RSBN1L: variants seen among roughly 807,000 people sequenced by gnomAD.
RSBN1L encodes the protein lysine-specific demethylase RSBN1L.
RSBN1L carries 30 observed loss-of-function variants against 67.7 expected under a neutral mutation model. The ratio of observed to expected loss-of-function variants is 0.44; its 90% CI spans 0.33 to 0.60. The LOEUF is 0.60. Ranked by LOEUF, RSBN1L falls within the 20% of genes least tolerant of loss-of-function variation. The pLI is 0.02. For synonymous variants in RSBN1L, 433 were observed against 387.0 expected (o/e 1.12, Z -1.39); for missense variants, 992 against 1,031.7 (o/e 0.96, Z 0.53).
chr7:77,709,593 A>G (rs1212609407), intron 1 of RSBN1L, among the ~76,000 whole-genome samples: 2 of 151,992 alleles, frequency 1.3e-5, no homozygotes, highest in Non-Finnish European at 2.9e-5. Context: ...CCCCACCAAT[A>G]GTTACTTTTT....
At chr7:77,739,739 CTTTTTT>C (rs1173154183) in intron 2 of RSBN1L, among the ~76,000 whole-genome samples, 19 of 42,680 alleles carry the variant, frequency 4.5e-4, no homozygotes, top group Middle Eastern at 0.023. Flanking sequence ...AAAAATGTGT[CTTTTTT>C]TTTTTTTTTT....
At chr7:77,751,693 G>A (rs1047440351) in intron 3 of RSBN1L, among the ~76,000 whole-genome samples, 1 of 152,118 alleles carries the variant, frequency 6.6e-6, no homozygotes, top group African/African-American at 2.4e-5. Context: ...TAGTTGTTCT[G>A]AGTATTTTAT....
At chr7:77,735,988 A>T (rs964621891) in intron 1 of RSBN1L, among the ~76,000 whole-genome samples, 1 of 152,118 alleles carries the variant, frequency 6.6e-6, no homozygotes, top group Non-Finnish European at 1.5e-5. Flanking sequence ...AACCATAATG[A>T]GGAAGGTATC....
At chr7:77,740,982 TTTC>T (rs754619814) in intron 2 of RSBN1L, among the ~76,000 whole-genome samples, 6,112 of 136,630 alleles carry the variant, frequency 0.045, 138 homozygotes, top group South Asian at 0.11. Context: ...TTTCTTTTCT[TTTC>T]TTTTTTTTTT....
chr7:77,711,671 A>G (rs1790977119), intron 1 of RSBN1L, among the ~76,000 whole-genome samples: 1 of 152,214 alleles, frequency 6.6e-6, no homozygotes, highest in Non-Finnish European at 1.5e-5. Flanking sequence ...TTAACCAACA[A>G]CAGTTTGGGA....
intron 1 of RSBN1L, among the ~76,000 whole-genome samples, chr7:77,720,367 A>G (rs1584280472): frequency 6.6e-6 from 1 of 151,878 alleles, no homozygotes. Context: ...TCAAGACCAG[A>G]CTGACCAACA....
At chr7:77,747,504 GGT>G (rs1791500228) in intron 2 of RSBN1L, among the ~76,000 whole-genome samples, 1 of 152,138 alleles carries the variant, frequency 6.6e-6, no homozygotes, top group Non-Finnish European at 1.5e-5. Context: ...GTGGCTCAAA[GGT>G]GCCCAGGTAT....
chr7:77,740,979 T>C (rs1324935839), intron 2 of RSBN1L, among the ~76,000 whole-genome samples: 1 of 146,238 alleles, frequency 6.8e-6, no homozygotes, highest in African/African-American at 2.6e-5. Context: ...ATTTTTCTTT[T>C]CTTTTCTTTT....
chr7:77,730,477 C>T (rs968818060), intron 1 of RSBN1L, among the ~76,000 whole-genome samples: 3 of 152,076 alleles, frequency 2.0e-5, no homozygotes, highest in Admixed American at 6.6e-5. Flanking sequence ...TTTGGACAAA[C>T]GTATAATGAC....
chr7:77,723,594 A>G (rs1791151721), intron 1 of RSBN1L, among the ~76,000 whole-genome samples: 3 of 151,670 alleles, frequency 2.0e-5, no homozygotes, highest in Admixed American at 2.0e-4. Flanking sequence ...TCACCCACCC[A>G]AGTAGCTGGG....
In RSBN1L at chr7:77,773,151, A is replaced by G; in HGVS notation, c.1630A>G (p.Thr544Ala). The G allele has an allele frequency of 6.4e-7, 1 of 1,567,932 alleles. No homozygotes were observed. Among genetic ancestry groups the G allele is most frequent in the Non-Finnish European group, 8.6e-7 (1 of 1,157,850 alleles). ...TTTTCTTTTTTTAAAAAACAGAACT[A>G]CCAATGAAATAAAAAATCTTCAGTA... ...PKSPFKRKRT[T>A]NEIKNLQYLP... The change falls in exon 6 of 8, where the codon ACC (threonine) becomes GCC (alanine). Residue 544 changes from threonine to alanine, a missense_variant. Thr to Ala is a moderately conservative substitution (Grantham distance 58). Transcript: ENST00000334955.
intron 4 of RSBN1L, among the ~76,000 whole-genome samples, chr7:77,767,687 TTTCTC>T (rs1294977553): frequency 1.3e-5 from 2 of 148,722 alleles, no homozygotes; most frequent in African/African-American, 5.0e-5. Flanking sequence ...CGTCTTCTCT[TTTCTC>T]TTCCCCTTCC....
At chr7:77,730,655 T>C (rs1004393095) in intron 1 of RSBN1L, among the ~76,000 whole-genome samples, 2 of 152,348 alleles carry the variant, frequency 1.3e-5, no homozygotes, top group African/African-American at 4.8e-5. Flanking sequence ...GCATACGTTA[T>C]GTAGCCTTTT....
At position 77,749,702 on chromosome 7, in the gene RSBN1L, T is replaced by C; in HGVS notation, c.982T>C (p.Leu328=). 6.2e-7 allele frequency: 1 copy of C among 1,614,128 alleles called. No homozygotes were observed. The highest frequency in any genetic ancestry group is 8.5e-7 in the Non-Finnish European group (1 of 1,180,016). The change falls in exon 3 of 8, where the codon TTA becomes CTA. Residue 328 remains leucine, a synonymous_variant. Transcript: ENST00000334955. ...GAACAGTGAGTTTCCATTTGTCTCA[T>C]TAAAGGAGCCACGAGTTCAGAATAA... ...PENSEFPFVS[L]KEPRVQNNLK...
chr7:77,734,754 G>C (rs973491118), intron 1 of RSBN1L, among the ~76,000 whole-genome samples: 1 of 152,120 alleles, frequency 6.6e-6, no homozygotes, highest in Non-Finnish European at 1.5e-5. Flanking sequence ...TTCCCAAAGT[G>C]CTGGGATTAT....
intron 1 of RSBN1L, among the ~76,000 whole-genome samples, chr7:77,721,825 T>C (rs913933699): frequency 1.3e-5 from 2 of 152,204 alleles, no homozygotes; most frequent in Admixed American, 6.5e-5. Flanking sequence ...GGTTTATTCA[T>C]TCGTTTTAAG....
At position 77,701,734 on chromosome 7, in the gene RSBN1L, C is replaced by T. The variant is rs376366727; in HGVS notation, c.586+4679C>T. On this transcript the variant is annotated intron_variant, in intron 1 of 7. Coordinates refer to ENST00000334955, the MANE Select transcript of RSBN1L (RefSeq NM_198467.3). ...TGGCATGATCTTGGCTCACTGCAGT[C>T]TCTGCCTCCTGGGTTCAAGCAATTC... Among the ~76,000 whole-genome samples, 77 of 149,182 alleles carry T rather than the reference C, an allele frequency of 5.2e-4. 1 individual carries two copies. The South Asian group carries it at 0.01, about 20-fold the overall frequency.
intron 1 of RSBN1L, among the ~76,000 whole-genome samples, chr7:77,704,505 A>G (rs183032476): frequency 1.3e-5 from 2 of 152,364 alleles, no homozygotes; most frequent in African/African-American, 4.8e-5. Flanking sequence ...ACCAGTATAC[A>G]TTGAATTCTG....
intron 1 of RSBN1L, among the ~76,000 whole-genome samples, chr7:77,727,707 C>G (rs1584284728): frequency 6.6e-6 from 1 of 151,902 alleles, no homozygotes; most frequent in East Asian, 1.9e-4. Context: ...ATCAAGTACA[C>G]CTCGTGCCTG....
Sources: gnomAD v4.1 joint callset for allele counts (sites outside exome capture counted in the v4.1 genomes callset) on GRCh38, gnomAD v4.1.1 for gene constraint, MANE v1.5 for transcripts, NCBI Gene and HGNC (gene_info 2026-07-23, HGNC 2026-07-21) for gene names.